The following LRRC37A2 variants were observed in gnomAD, a reference collection of about 807,000 sequenced individuals.
The protein encoded by LRRC37A2 is leucine-rich repeat-containing protein 37A2.
Under a neutral mutation model 68.8 loss-of-function variants are expected in LRRC37A2, and 9 were observed. The observed-to-expected ratio is 0.13, with a 90% CI of 0.08 to 0.23. The LOEUF (loss-of-function observed/expected upper bound fraction) is 0.23. LRRC37A2 is among the 10% of genes least tolerant of loss of function. The pLI is 1.00. For missense variants in LRRC37A2, 168 were observed against 950.4 expected (o/e 0.18, Z 10.82); for synonymous variants, 63 against 367.6 (o/e 0.17, Z 9.48).
the LRRC37A2 span, among the ~76,000 whole-genome samples, chr17:46,605,363 G>C: frequency 9.1e-4 from 109 of 120,290 alleles, no homozygotes; most frequent in Middle Eastern, 0.018. Flanking sequence ...CAGGAGAATT[G>C]CTTGAACCTG....
chr17:46,960,446 G>A, the LRRC37A2 span, among the ~76,000 whole-genome samples: 105 of 152,316 alleles, frequency 6.9e-4, no homozygotes, highest in African/African-American at 2.4e-3. Context: ...CAGTTTGGCA[G>A]TGTCTTACAG....
At chr17:46,786,650 G>A in the LRRC37A2 span, among the ~76,000 whole-genome samples, 109 of 152,328 alleles carry the variant, frequency 7.2e-4, 1 homozygote, top group African/African-American at 2.2e-3. Context: ...TGCCCTGTGC[G>A]TGCTCAGGTA....
chr17:46,992,853 CAAAAA>C, the LRRC37A2 span, among the ~76,000 whole-genome samples: 19 of 65,164 alleles, frequency 2.9e-4, no homozygotes, highest in African/African-American at 1.1e-3. Context: ...AACTCCATCT[CAAAAA>C]AAAAAAAAAA....
the LRRC37A2 span, among the ~76,000 whole-genome samples, chr17:46,779,103 A>ACACACCCC: frequency 9.4e-4 from 125 of 133,654 alleles, 7 homozygotes; most frequent in East Asian, 0.021. Context: ...ACACACACAC[A>ACACACCCC]CCCCAGCCCA....
At chr17:46,697,277 C>T in the LRRC37A2 span, among the ~76,000 whole-genome samples, 3 of 127,434 alleles carry the variant, frequency 2.4e-5, no homozygotes, top group South Asian at 7.2e-4. Flanking sequence ...GTGGCACAGT[C>T]TTCGCTCACT....
the LRRC37A2 span, among the ~76,000 whole-genome samples, chr17:46,766,587 C>T: frequency 6.6e-6 from 1 of 152,128 alleles, no homozygotes; most frequent in East Asian, 1.9e-4. Context: ...CCACCTGCTG[C>T]CTTTCTGGAC....
At chr17:46,881,518 A>G in the LRRC37A2 span, among the ~76,000 whole-genome samples, 1 of 152,262 alleles carries the variant, frequency 6.6e-6, no homozygotes, top group African/African-American at 2.4e-5. Context: ...CTATATCGCT[A>G]GCAAGCGGAT....
the LRRC37A2 span, among the ~76,000 whole-genome samples, chr17:46,908,880 AG>A: frequency 6.6e-6 from 1 of 152,154 alleles, no homozygotes; most frequent in Non-Finnish European, 1.5e-5. Context: ...GCCCAAATGG[AG>A]GAGCTATTCA....
At chr17:46,908,129 T>C in the LRRC37A2 span, among the ~76,000 whole-genome samples, 2 of 152,072 alleles carry the variant, frequency 1.3e-5, no homozygotes, top group Non-Finnish European at 2.9e-5. Context: ...CCCTGCTGTT[T>C]GACGCTTCAT....
At chr17:46,941,279 G>A in the LRRC37A2 span, 1 of 985,744 alleles carries the variant, frequency 1.0e-6, no homozygotes, top group African/African-American at 1.7e-5. Context: ...GAATTTGAAT[G>A]GGTTTGATTT....
chr17:46,718,159 C>T, the LRRC37A2 span, among the ~76,000 whole-genome samples: 3 of 152,290 alleles, frequency 2.0e-5, no homozygotes, highest in South Asian at 2.1e-4. Flanking sequence ...TGGCTGGTTC[C>T]GGTCTCCAGA....
the LRRC37A2 span, among the ~76,000 whole-genome samples, chr17:46,962,486 A>G: frequency 1.3e-5 from 2 of 152,142 alleles, no homozygotes; most frequent in African/African-American, 4.8e-5. Context: ...GTGGCAGAAG[A>G]GAAAGTATGC....
At chr17:47,028,261 G>T in the LRRC37A2 span, 15 of 1,377,794 alleles carry the variant, frequency 1.1e-5, no homozygotes, top group African/African-American at 1.6e-4. Flanking sequence ...CCTTTGGCTT[G>T]TGTCTTTTTT....
the LRRC37A2 span, chr17:46,851,745 C>G: frequency 1.6e-5 from 19 of 1,177,650 alleles, no homozygotes; most frequent in East Asian, 3.5e-4. The surrounding 1 kb of genome is among the most constrained non-coding windows in gnomAD (Gnocchi z 4.3). Context: ...CCCGCCCGCT[C>G]CCCGGCCTGC....
At chr17:47,003,075 C>G in the LRRC37A2 span, among the ~76,000 whole-genome samples, 15 of 151,638 alleles carry the variant, frequency 9.9e-5, no homozygotes, top group Admixed American at 5.9e-4. Context: ...CCCGACCCCC[C>G]CAACTTCTAC....
the LRRC37A2 span, among the ~76,000 whole-genome samples, chr17:46,969,674 G>T: frequency 6.6e-6 from 1 of 152,216 alleles, no homozygotes; most frequent in Non-Finnish European, 1.5e-5. Context: ...GTGGATAAAT[G>T]CCTTAAACAC....
chr17:46,988,404 T>C, the LRRC37A2 span, among the ~76,000 whole-genome samples: 2 of 152,244 alleles, frequency 1.3e-5, no homozygotes, highest in African/African-American at 2.4e-5. Context: ...GAAGTGGTGA[T>C]GGACATTGTG....
the LRRC37A2 span, among the ~76,000 whole-genome samples, chr17:46,759,956 C>T: frequency 6.6e-6 from 1 of 152,196 alleles, no homozygotes; most frequent in Non-Finnish European, 1.5e-5. Context: ...CAGCTATCAA[C>T]TGTATTCTCC....
At chr17:46,906,228 A>G in the LRRC37A2 span, among the ~76,000 whole-genome samples, 1 of 152,132 alleles carries the variant, frequency 6.6e-6, no homozygotes, top group African/African-American at 2.4e-5. Context: ...CCAGAGGCTG[A>G]GTCAAGGCCT....
Sources: allele counts gnomAD v4.1 joint callset (sites outside exome capture counted in the v4.1 genomes callset), GRCh38; gene constraint gnomAD v4.1.1; non-coding constraint Gnocchi (gnomAD v3.1); transcripts MANE v1.5; gene names NCBI Gene and HGNC (gene_info 2026-07-23, HGNC 2026-07-21).